The following ANK2 variants were observed in gnomAD, a reference collection of about 807,000 sequenced individuals.
ANK2 encodes ankyrin 2.
A neutral mutation model predicts 360.5 loss-of-function variants in ANK2; 83 were observed. The observed-to-expected ratio is 0.23, with a 90% CI of 0.19 to 0.28. ANK2 has a LOEUF of 0.28. Among genes scored for constraint, ANK2 ranks in the 10% least tolerant of loss-of-function variants. The pLI is 1.00. For synonymous variants in ANK2, 1,740 were observed against 1,759.5 expected (o/e 0.99, Z 0.28); for missense variants, 4,201 against 4,795.7 (o/e 0.88, Z 3.66).
At chr4:113,074,414 T>C (rs1312181237) in intron 1 of ANK2, among the ~76,000 whole-genome samples, 2 of 152,204 alleles carry the variant, frequency 1.3e-5, no homozygotes, top group Non-Finnish European at 2.9e-5. Flanking sequence ...GTCTGTGGCC[T>C]CAGTATTTTT....
At chr4:113,338,993 G>T (rs938507188) in intron 31 of ANK2, among the ~76,000 whole-genome samples, 1 of 152,122 alleles carries the variant, frequency 6.6e-6, no homozygotes, top group African/African-American at 2.4e-5. Flanking sequence ...AGAACAGAAG[G>T]CTTAATAAAC....
At chr4:112,778,110 C>CA in the ANK2 span, among the ~76,000 whole-genome samples, 3 of 151,944 alleles carry the variant, frequency 2.0e-5, no homozygotes, top group Admixed American at 6.6e-5. Context: ...GCTGGGATTA[C>CA]AGGTGCACGT....
At chr4:113,263,529 A>C (rs943574995) in intron 13 of ANK2, among the ~76,000 whole-genome samples, 1 of 152,230 alleles carries the variant, frequency 6.6e-6, no homozygotes, top group Admixed American at 6.5e-5. Flanking sequence ...TCATAACTTC[A>C]AAAGAAATGG....
At chr4:112,994,193 TTTAA>T (rs2047773840) in intron 2 of ANK2, among the ~76,000 whole-genome samples, 1 of 152,238 alleles carries the variant, frequency 6.6e-6, no homozygotes, top group South Asian at 2.1e-4. Context: ...TGTTTATATT[TTTAA>T]TTGTCAAAGA....
At chr4:113,181,186 A>T (rs932750753) in intron 2 of ANK2, among the ~76,000 whole-genome samples, 1 of 152,326 alleles carries the variant, frequency 6.6e-6, no homozygotes, top group African/African-American at 2.4e-5. Context: ...TTCATTTTAA[A>T]AATGCTGGGA....
intron 26 of ANK2, among the ~76,000 whole-genome samples, chr4:113,323,082 C>T (rs1000234641): frequency 2.0e-5 from 3 of 151,756 alleles, no homozygotes; most frequent in Non-Finnish European, 2.9e-5. Flanking sequence ...GAGGGTTTTA[C>T]GGAAGAGCAG....
chr4:112,729,932 A>G, the ANK2 span, among the ~76,000 whole-genome samples: 40,579 of 151,924 alleles, frequency 0.27, 5,851 homozygotes, highest in East Asian at 0.35. Flanking sequence ...TCTCACTTAT[A>G]TGAAATCTAA....
chr4:113,341,602 T>A, intron 32 of ANK2, 86 bp from the exon 33 acceptor site: 1 of 1,379,326 alleles, frequency 7.2e-7, no homozygotes, highest in Non-Finnish European at 1.0e-6. Context: ...ATTTGTTGAC[T>A]ACTTTGATCA....
At chr4:113,117,948 A>G (rs1214986303) in intron 1 of ANK2, among the ~76,000 whole-genome samples, 1 of 152,092 alleles carries the variant, frequency 6.6e-6, no homozygotes, top group Non-Finnish European at 1.5e-5. Flanking sequence ...AGCTGCACTA[A>G]GAATATTGGT....
At chr4:112,742,132 AT>A in the ANK2 span, among the ~76,000 whole-genome samples, 1 of 152,042 alleles carries the variant, frequency 6.6e-6, no homozygotes, top group Non-Finnish European at 1.5e-5. Context: ...TTAAAAAAAA[AT>A]TAGCTGGGCA....
intron 2 of ANK2, among the ~76,000 whole-genome samples, chr4:113,011,710 C>T (rs942432885): frequency 6.6e-6 from 1 of 151,998 alleles, no homozygotes; most frequent in Non-Finnish European, 1.5e-5. Flanking sequence ...GATATTTTAT[C>T]TCCTGCTTTT....
rs1589100801 is a variant in ANK2, at chr4:113,360,890, C to A, written c.10749C>A (p.Ser3583Arg). 6.2e-7 allele frequency: 1 copy of A among 1,612,134 alleles called. No homozygotes were observed. Among genetic ancestry groups the A allele is most frequent in the African/African-American group, 1.3e-5 (1 of 74,958 alleles). ...LAYIADHLGF[S>R]WTELARELDF... ...ATATTGCTGATCACCTTGGCTTCAG[C>A]TGGACAGGTAAAAAGAATGTGACCC... Residue 3583 changes from serine (S) to arginine (R), a missense_variant, in exon 39 of 46, where the codon AGC becomes AGA. Physicochemically the swap from Ser to Arg is moderately radical, Grantham distance 110 (BLOSUM62 -1). Around this residue, in one of 4 missense-constraint regions of ANK2, gnomAD observed 2,642 missense variants for 2,714.5 expected, o/e 0.97. Transcript: ENST00000357077.
intron 1 of ANK2, among the ~76,000 whole-genome samples, chr4:113,173,297 A>G (rs553822675): frequency 4.9e-4 from 75 of 152,308 alleles, no homozygotes; most frequent in African/African-American, 1.7e-3. Flanking sequence ...ACATCACCAC[A>G]GATCATAATA....
At chr4:112,977,173 T>A (rs942177793) in intron 2 of ANK2, among the ~76,000 whole-genome samples, 1 of 152,238 alleles carries the variant, frequency 6.6e-6, no homozygotes. Context: ...AACTTTCTTT[T>A]ATCTTTACTG....
chr4:113,041,493 A>G (rs1309307550), intron 2 of ANK2, among the ~76,000 whole-genome samples: 4 of 152,094 alleles, frequency 2.6e-5, no homozygotes, highest in Admixed American at 6.6e-5. Flanking sequence ...TGGTTCTTCT[A>G]TCTCCAAACA....
the ANK2 span, among the ~76,000 whole-genome samples, chr4:112,708,000 T>C: frequency 6.6e-6 from 1 of 152,200 alleles, no homozygotes; most frequent in African/African-American, 2.4e-5. Flanking sequence ...TTAATTTGCA[T>C]AGGATGTAGA....
the ANK2 span, among the ~76,000 whole-genome samples, chr4:112,728,805 T>C: frequency 2.0e-5 from 3 of 152,040 alleles, no homozygotes; most frequent in Non-Finnish European, 4.4e-5. Flanking sequence ...TTTGAGCAGA[T>C]TGATAATGAG....
intron 4 of ANK2, among the ~76,000 whole-genome samples, chr4:113,216,698 C>T (rs936536036): frequency 6.6e-6 from 1 of 152,146 alleles, no homozygotes; most frequent in Non-Finnish European, 1.5e-5. Flanking sequence ...GAACAACACT[C>T]AGAACATATT....
intron 2 of ANK2, among the ~76,000 whole-genome samples, chr4:112,908,867 C>T (rs947973387): frequency 1.4e-4 from 22 of 152,142 alleles, no homozygotes; most frequent in African/African-American, 5.3e-4. Flanking sequence ...CTGTAGAGCC[C>T]TGAACCACAC....
Sources: allele counts gnomAD v4.1 joint callset (sites outside exome capture counted in the v4.1 genomes callset), GRCh38; gene constraint gnomAD v4.1.1; regional missense constraint gnomAD v4.1.1; transcripts MANE v1.5; gene names NCBI Gene and HGNC (gene_info 2026-07-23, HGNC 2026-07-21).